VSTM2A: variants seen among roughly 807,000 people sequenced by gnomAD.
VSTM2A encodes V-set and transmembrane domain-containing protein 2A.
A neutral mutation model predicts 27.3 loss-of-function variants in VSTM2A; 13 were observed. The ratio of observed to expected loss-of-function variants is 0.48; its 90% CI spans 0.31 to 0.76. VSTM2A has a LOEUF of 0.76. Ranked by LOEUF, VSTM2A falls within the 30% of genes least tolerant of loss-of-function variation. The probability of loss-of-function intolerance (pLI) is 0.05; values close to 1 mark genes in which losing one functional copy is unlikely to be tolerated. For synonymous variants in VSTM2A, 142 were observed against 125.7 expected, an observed-to-expected ratio of 1.13 and a Z score of -0.87; for missense variants, 280 against 310.0, an observed-to-expected ratio of 0.90 and a Z score of 0.73.
At chr7:54,562,173 C>T (rs1343441495) in intron 4 of VSTM2A, among the ~76,000 whole-genome samples, 2 of 152,190 alleles carry the variant, frequency 1.3e-5, no homozygotes, top group Admixed American at 6.5e-5. Context: ...CTGTCTGCCT[C>T]GGCCTCCCAA....
intron 2 of VSTM2A, 96 bp downstream of exon 2, chr7:54,544,884 C>T: frequency 7.2e-7 from 1 of 1,380,912 alleles, no homozygotes; most frequent in South Asian, 1.5e-5. Flanking sequence ...CCTGGACACC[C>T]CTGGGGACCT....
rs557521176 is a variant in VSTM2A at position 54,569,252 on chromosome 7, C to T, written c.*33C>T. ...CACAAGGAGCGCCTGCTTCCGGAAG[C>T]ATAAATGAAGAGGCTATCACATGCT... On this transcript the variant is annotated 3_prime_UTR_variant, in exon 5 of 5. Transcript: ENST00000402613. 1.3e-6 allele frequency: 2 copies of T among 1,551,212 alleles called. No homozygotes were observed. Among genetic ancestry groups the T allele is most frequent in the Non-Finnish European group, 1.7e-6 (2 of 1,146,836 alleles).
intron 4 of VSTM2A, chr7:54,568,868 C>T (rs1788805116): frequency 6.1e-6 from 5 of 825,956 alleles, no homozygotes; most frequent in Non-Finnish European, 9.3e-6. Flanking sequence ...TTGTTGTTTG[C>T]AGTGCATGCC....
intron 4 of VSTM2A, among the ~76,000 whole-genome samples, chr7:54,563,927 A>G (rs529992933): frequency 2.0e-5 from 3 of 152,352 alleles, no homozygotes; most frequent in Non-Finnish European, 4.4e-5. Flanking sequence ...TTCTCAAAAA[A>G]TTATGGGATA....
At chr7:54,559,074 G>T (rs1167198483) in intron 4 of VSTM2A, 1 of 151,920 alleles carries the variant, frequency 6.6e-6, no homozygotes, top group Admixed American at 6.6e-5. Context: ...CTCCTAATCA[G>T]TCGTAATAGA....
At chr7:54,554,143 C>T (rs1788278916) in intron 4 of VSTM2A, 1 of 1,533,484 alleles carries the variant, frequency 6.5e-7, no homozygotes, top group East Asian at 2.5e-5. Context: ...GCTTCCAATT[C>T]CCCACCCTCT....
chr7:54,561,641 G>A (rs985143553), intron 4 of VSTM2A, among the ~76,000 whole-genome samples: 4 of 152,094 alleles, frequency 2.6e-5, no homozygotes, highest in African/African-American at 9.7e-5. Flanking sequence ...ACTTAATGCT[G>A]ATAGCTAAGA....
intron 4 of VSTM2A, among the ~76,000 whole-genome samples, chr7:54,568,175 T>C (rs1487341982): frequency 1.3e-5 from 2 of 152,212 alleles, no homozygotes; most frequent in Non-Finnish European, 2.9e-5. Context: ...TTATTCTACA[T>C]ATAGTGACTT....
At chr7:54,555,865 G>C (rs1788338368) in intron 4 of VSTM2A, among the ~76,000 whole-genome samples, 1 of 152,162 alleles carries the variant, frequency 6.6e-6, no homozygotes, top group African/African-American at 2.4e-5. Context: ...TTCTCAAAGT[G>C]AGTTGTGCAG....
chr7:54,554,218 T>C (rs1216666911), intron 4 of VSTM2A: 2 of 1,350,962 alleles, frequency 1.5e-6, no homozygotes, highest in Non-Finnish European at 2.0e-6. Flanking sequence ...CTGACACTCT[T>C]ACCTCTCTTC....
intron 4 of VSTM2A, chr7:54,553,776 G>A: frequency 6.6e-7 from 1 of 1,511,244 alleles, no homozygotes; most frequent in Non-Finnish European, 8.9e-7. Flanking sequence ...CCTCTTCGCA[G>A]AGAACACAGG....
chr7:54,545,560 A>G (rs1233406304), intron 2 of VSTM2A, among the ~76,000 whole-genome samples: 21 of 70,730 alleles, frequency 3.0e-4, no homozygotes, highest in South Asian at 1.5e-3. Flanking sequence ...AGGGGAGAAG[A>G]AGAGGGGGAG....
intron 4 of VSTM2A, among the ~76,000 whole-genome samples, chr7:54,565,297 T>C (rs1788686476): frequency 6.6e-6 from 1 of 152,224 alleles, no homozygotes; most frequent in Admixed American, 6.5e-5. Context: ...ACAGGATTGT[T>C]GTGAGGATTA....
intron 4 of VSTM2A, among the ~76,000 whole-genome samples, chr7:54,552,714 A>G (rs1340312523): frequency 2.6e-5 from 4 of 152,212 alleles, no homozygotes; most frequent in African/African-American, 7.2e-5. Context: ...TCATTATTCT[A>G]TGAAAGGCAA....
Position 54,542,936 on chromosome 7 carries a change from T to C in VSTM2A, c.79+127T>C. 3 of 873,620 alleles carry C rather than the reference T, an allele frequency of 3.4e-6. 1 individual carries two copies. Among genetic ancestry groups the C allele is most frequent in the Middle Eastern group, 2.3e-4 (1 of 4,394 alleles). The allele number at this position is 873,620 out of a possible 1,614,324, so 54.1% of individuals were successfully genotyped here. On this transcript the variant is annotated intron_variant, in intron 1 of 4. Transcript: ENST00000402613. Reference sequence around the variant, plus strand: ...TAACAGTGGGCTTAGGCTGTATAAATAGTGTTCTGTTTGACGATTTTTTTT... The same window carrying C: ...TAACAGTGGGCTTAGGCTGTATAAACAGTGTTCTGTTTGACGATTTTTTTT...
chr7:54,569,334 G>A lies in VSTM2A; in HGVS notation c.*115G>A, dbSNP rs1020296637. The A allele has an allele frequency of 9.4e-6, 14 of 1,485,294 alleles. 1 individual carries two copies. In the South Asian group the frequency reaches 1.3e-4, roughly 14 times the overall value. The allele number at this position is 1,485,294 out of a possible 1,614,324, so 92.0% of individuals were successfully genotyped here. ...GATCTTTTATTTTAAGAGAATTAACGTGAAGTGATAGAACGTTTTCTAATA... is the reference window on the plus strand; with the variant it reads ...GATCTTTTATTTTAAGAGAATTAACATGAAGTGATAGAACGTTTTCTAATA... On this transcript the variant is annotated 3_prime_UTR_variant, in exon 5 of 5. Coordinates refer to ENST00000402613, the MANE Select transcript of VSTM2A (RefSeq NM_001301009.2).
intron 3 of VSTM2A, among the ~76,000 whole-genome samples, chr7:54,549,505 A>G (rs1788110815): frequency 6.6e-6 from 1 of 152,166 alleles, no homozygotes; most frequent in Non-Finnish European, 1.5e-5. Context: ...TGCTTCATTG[A>G]ACTGAGTTAA....
At chr7:54,561,336 C>T (rs1788555540) in intron 4 of VSTM2A, among the ~76,000 whole-genome samples, 1 of 151,976 alleles carries the variant, frequency 6.6e-6, no homozygotes, top group Non-Finnish European at 1.5e-5. Flanking sequence ...GAGGATAATA[C>T]CACTGCTAAG....
intron 4 of VSTM2A, chr7:54,558,366 T>A (rs886271255): frequency 2.0e-5 from 3 of 152,204 alleles, no homozygotes; most frequent in African/African-American, 7.2e-5. Flanking sequence ...TTCTTAGATT[T>A]GCTATCTACC....
Sources: gnomAD v4.1 joint callset for allele counts (sites outside exome capture counted in the v4.1 genomes callset) on GRCh38, gnomAD v4.1.1 for gene constraint, MANE v1.5 for transcripts, NCBI Gene and HGNC (gene_info 2026-07-23, HGNC 2026-07-21) for gene names.